Variants in NTM observed in about 807,000 individuals in gnomAD.
NTM encodes the protein neurotrimin, also known as IgLON family member 2.
Under a neutral mutation model 42.1 loss-of-function variants are expected in NTM, and 13 were observed. The observed-to-expected ratio is 0.31, with a 90% CI of 0.20 to 0.49. The LOEUF (loss-of-function observed/expected upper bound fraction) is 0.49, where lower values mean the gene tolerates loss of function less well. Ranked by LOEUF, NTM falls within the 20% of genes least tolerant of loss-of-function variation. NTM has a pLI of 0.99. For synonymous variants in NTM, 187 were observed against 179.2 expected (o/e 1.04, Z -0.35); for missense variants, 373 against 452.8 (o/e 0.82, Z 1.60).
At chr11:131,560,310 C>T (rs972435045) in intron 1 of NTM, among the ~76,000 whole-genome samples, 4 of 152,138 alleles carry the variant, frequency 2.6e-5, no homozygotes, top group Non-Finnish European at 5.9e-5. Flanking sequence ...AGATAGCTAC[C>T]TGAACGCAGA....
At chr11:131,796,975 T>A (rs1393154672) in intron 1 of NTM, among the ~76,000 whole-genome samples, 2 of 152,216 alleles carry the variant, frequency 1.3e-5, no homozygotes, top group African/African-American at 4.8e-5. Flanking sequence ...TAGAAATATC[T>A]TTCTTCCTTT....
At chr11:131,791,485 T>A (rs1220757045) in intron 1 of NTM, among the ~76,000 whole-genome samples, 1 of 152,210 alleles carries the variant, frequency 6.6e-6, no homozygotes, top group Admixed American at 6.5e-5. Context: ...TTATAAATTT[T>A]CCTAACTGAA....
chr11:132,144,675 A>G (rs373247952), intron 2 of NTM, among the ~76,000 whole-genome samples: 4 of 152,212 alleles, frequency 2.6e-5, no homozygotes, highest in African/African-American at 9.7e-5. Context: ...TGATTCTAAT[A>G]TAAGTAGTCC....
chr11:132,299,857 C>T (rs117678413), intron 4 of NTM, among the ~76,000 whole-genome samples: 46 of 152,140 alleles, frequency 3.0e-4, no homozygotes, highest in Non-Finnish European at 5.9e-4. Flanking sequence ...AGCCATGCTA[C>T]CTGTATCCAA....
chr11:132,243,646 A>G (rs750502202), intron 4 of NTM, among the ~76,000 whole-genome samples: 1 of 152,224 alleles, frequency 6.6e-6, no homozygotes. Context: ...TCCTTTGCTG[A>G]AAATGGAGTG....
intron 2 of NTM, among the ~76,000 whole-genome samples, chr11:132,042,367 C>A (rs1594043358): frequency 6.6e-6 from 1 of 152,132 alleles, no homozygotes; most frequent in East Asian, 1.9e-4. Context: ...TCCTGCTGGT[C>A]AATCAGATCT....
At chr11:131,724,820 G>T (rs1005408213) in intron 1 of NTM, among the ~76,000 whole-genome samples, 2 of 152,238 alleles carry the variant, frequency 1.3e-5, no homozygotes, top group African/African-American at 4.8e-5. Flanking sequence ...ACAGCCTGGG[G>T]TGGGGAGAGC....
chr11:131,680,461 G>A (rs1226578510), intron 1 of NTM, among the ~76,000 whole-genome samples: 1 of 148,734 alleles, frequency 6.7e-6, no homozygotes, highest in Admixed American at 6.7e-5. Flanking sequence ...GTCTGTGTCT[G>A]TGAGTGCCTG....
intron 4 of NTM, among the ~76,000 whole-genome samples, chr11:132,304,947 G>C (rs951414352): frequency 6.6e-6 from 1 of 152,082 alleles, no homozygotes. Context: ...TAGAAATTTG[G>C]ATCAGTAGAG....
intron 1 of NTM, among the ~76,000 whole-genome samples, chr11:131,540,062 C>T (rs907867576): frequency 1.3e-5 from 2 of 151,974 alleles, no homozygotes; most frequent in Non-Finnish European, 1.5e-5. Context: ...GCTGTGGAGT[C>T]CCTTAAAAAG....
chr11:131,605,593 G>C (rs141669397), intron 1 of NTM: 1 of 156,154 alleles, frequency 6.4e-6, no homozygotes, highest in Admixed American at 6.5e-5. Flanking sequence ...CAAGTGGCAA[G>C]AGTGAACATC....
chr11:132,258,080 G>GGACAGCAT, intron 4 of NTM, among the ~76,000 whole-genome samples: 3 of 152,314 alleles, frequency 2.0e-5, no homozygotes, highest in Admixed American at 2.0e-4. Flanking sequence ...TCTTGGCTGG[G>GGACAGCAT]GACAGCATGA....
chr11:131,776,829 A>C (rs2087077938), intron 1 of NTM, among the ~76,000 whole-genome samples: 1 of 152,136 alleles, frequency 6.6e-6, no homozygotes, highest in South Asian at 2.1e-4. Context: ...GAGCCTTTGA[A>C]TCCTCAGCAT....
chr11:131,811,886 T>C (rs2136315756), intron 1 of NTM, among the ~76,000 whole-genome samples: 1 of 152,370 alleles, frequency 6.6e-6, no homozygotes, highest in East Asian at 1.9e-4. Context: ...GTTTTTCACC[T>C]TTCAGACCTG....
chr11:131,616,440 C>T (rs7110535), intron 1 of NTM, among the ~76,000 whole-genome samples: 51,798 of 152,034 alleles, frequency 0.34, 10,510 homozygotes, highest in East Asian at 0.52. Context: ...AATTTGACAA[C>T]GAGGTGAAAA....
At chr11:131,686,987 G>A (rs1040680402) in intron 1 of NTM, among the ~76,000 whole-genome samples, 1 of 152,116 alleles carries the variant, frequency 6.6e-6, no homozygotes, top group Non-Finnish European at 1.5e-5. Context: ...GGGCAGCGGA[G>A]CCCAGGCCGC....
chr11:131,660,924 T>C (rs1471883447), intron 1 of NTM: 16 of 1,299,710 alleles, frequency 1.2e-5, no homozygotes, highest in Non-Finnish European at 1.6e-5. Flanking sequence ...TGTCTCTTTT[T>C]ATAGGTAAGT....
chr11:131,424,600 C>T lies in NTM; in HGVS notation c.82+53712C>T, dbSNP rs4998241. ...AGTTGTTTTTTATTTCTTTTCTTTT[C>T]TTTTTTTTTTTTTTTTTTGGCGCAA... is the stretch of plus-strand genomic sequence containing the variant. On this transcript the variant is annotated intron_variant, in intron 1 of 8. Coordinates refer to ENST00000683400, the MANE Select transcript of NTM (RefSeq NM_001352005.2). Among the ~76,000 whole-genome samples, 1,235 of 55,794 alleles carry T rather than the reference C, an allele frequency of 0.022. 158 individuals are homozygous for T. The East Asian group carries it at 0.41, about 19-fold the overall frequency. 36.6% of individuals were successfully genotyped at this position (55,794 alleles called of 152,430 possible).
At chr11:131,618,994 TATG>T (rs1461008801) in intron 1 of NTM, among the ~76,000 whole-genome samples, 2 of 152,114 alleles carry the variant, frequency 1.3e-5, no homozygotes, top group Non-Finnish European at 2.9e-5. Flanking sequence ...TGAATAAAAA[TATG>T]ATGAGAATGG....
Sources: gnomAD v4.1 joint callset for allele counts (sites outside exome capture counted in the v4.1 genomes callset) on GRCh38, gnomAD v4.1.1 for gene constraint, MANE v1.5 for transcripts, NCBI Gene and HGNC (gene_info 2026-07-23, HGNC 2026-07-21) for gene names.